The following SH3RF3 variants were observed in gnomAD, a reference collection of about 807,000 sequenced individuals.
SH3RF3 encodes the protein SH3 domain containing ring finger 3, also known as E3 ubiquitin-protein ligase SH3RF3.
In SH3RF3, 29 loss-of-function variants were observed where a neutral mutation model predicts 66.3. That is an observed-to-expected ratio of 0.44 (90% CI 0.33 to 0.60). SH3RF3 has a LOEUF of 0.60. Among genes scored for constraint, SH3RF3 ranks in the 20% least tolerant of loss-of-function variants. The pLI, the probability that SH3RF3 is intolerant of heterozygous loss-of-function variation, is 0.04. For missense variants in SH3RF3, 1,194 were observed against 1,190.9 expected, an observed-to-expected ratio of 1.00 and a Z score of -0.04; for synonymous variants, 583 against 532.0, an observed-to-expected ratio of 1.10 and a Z score of -1.32.
intron 1 of SH3RF3, among the ~76,000 whole-genome samples, chr2:109,180,245 G>A (rs1205493386): frequency 6.6e-6 from 1 of 152,084 alleles, no homozygotes; most frequent in Non-Finnish European, 1.5e-5. Flanking sequence ...CAGGGCTTCG[G>A]CCTCCTTCCT....
intron 8 of SH3RF3, among the ~76,000 whole-genome samples, chr2:109,488,129 C>T (rs953895121): frequency 6.6e-6 from 1 of 152,194 alleles, no homozygotes; most frequent in East Asian, 1.9e-4. Flanking sequence ...CGCCGGGACA[C>T]CTGGGGCAGG....
intron 1 of SH3RF3, among the ~76,000 whole-genome samples, chr2:109,165,836 G>A (rs1362268229): frequency 6.6e-6 from 1 of 152,164 alleles, no homozygotes; most frequent in African/African-American, 2.4e-5. Flanking sequence ...GTGCATCTGT[G>A]ACTCACCCTA....
intron 3 of SH3RF3, among the ~76,000 whole-genome samples, chr2:109,372,480 T>C (rs1447036988): frequency 6.6e-6 from 1 of 152,246 alleles, no homozygotes; most frequent in Non-Finnish European, 1.5e-5. Flanking sequence ...CAGTGAATGC[T>C]TACTGAGTGC....
At chr2:109,280,002 G>A (rs773571515) in intron 1 of SH3RF3, among the ~76,000 whole-genome samples, 13 of 152,174 alleles carry the variant, frequency 8.5e-5, no homozygotes, top group Non-Finnish European at 1.6e-4. Context: ...CTTAGGCTGT[G>A]CTGCCCCAGG....
chr2:109,452,790 T>C (rs1414190046), intron 8 of SH3RF3, among the ~76,000 whole-genome samples: 1 of 142,748 alleles, frequency 7.0e-6, no homozygotes, highest in African/African-American at 2.6e-5. Flanking sequence ...GGCTGGTCCC[T>C]GGGAGGCTGG....
At chr2:109,256,971 A>G (rs1389986031) in intron 1 of SH3RF3, among the ~76,000 whole-genome samples, 4 of 152,054 alleles carry the variant, frequency 2.6e-5, no homozygotes. Flanking sequence ...TGCTGGAGGG[A>G]GTTATTCCGC....
chr2:109,409,163 G>T (rs1479385693), intron 4 of SH3RF3, among the ~76,000 whole-genome samples: 1 of 152,118 alleles, frequency 6.6e-6, no homozygotes, highest in Non-Finnish European at 1.5e-5. Context: ...TAGTAATATT[G>T]TGGGAATTCC....
chr2:109,160,286 C>T (rs931413481), intron 1 of SH3RF3, among the ~76,000 whole-genome samples: 1 of 152,166 alleles, frequency 6.6e-6, no homozygotes, highest in Non-Finnish European at 1.5e-5. Flanking sequence ...GAGGTTGCTG[C>T]CCAAGACAGA....
chr2:109,319,857 G>A (rs908849115), intron 1 of SH3RF3, among the ~76,000 whole-genome samples: 3 of 152,184 alleles, frequency 2.0e-5, no homozygotes, highest in Non-Finnish European at 4.4e-5. Context: ...GCCAGTAGGA[G>A]TATCAGCCCA....
intron 1 of SH3RF3, among the ~76,000 whole-genome samples, chr2:109,273,688 T>C (rs1249808727): frequency 6.6e-5 from 10 of 152,164 alleles, no homozygotes; most frequent in Admixed American, 6.5e-4. Flanking sequence ...GGACACACGT[T>C]GTCAGGGACG....
chr2:109,188,439 CA>C (rs991931544), intron 1 of SH3RF3, among the ~76,000 whole-genome samples: 6 of 152,222 alleles, frequency 3.9e-5, no homozygotes, highest in African/African-American at 1.4e-4. Flanking sequence ...ATCCACACAA[CA>C]GGTGTGGATG....
chr2:109,482,466 C>T (rs1678859132), intron 8 of SH3RF3, among the ~76,000 whole-genome samples: 1 of 152,166 alleles, frequency 6.6e-6, no homozygotes, highest in Admixed American at 6.5e-5. Context: ...CGTGCTGTGG[C>T]TGTTTATCTT....
chr2:109,395,020 G>A (rs1013025824), intron 3 of SH3RF3, among the ~76,000 whole-genome samples: 24 of 152,240 alleles, frequency 1.6e-4, no homozygotes, highest in Middle Eastern at 3.2e-3. Flanking sequence ...GGATGGCACC[G>A]GTGCCAAATT....
At chr2:109,142,662 T>A (rs1169090743) in intron 1 of SH3RF3, among the ~76,000 whole-genome samples, 4 of 152,152 alleles carry the variant, frequency 2.6e-5, no homozygotes, top group Admixed American at 2.6e-4. Flanking sequence ...GAGCCCTCCA[T>A]CCTGGAGTCA....
chr2:109,275,846 T>G (rs1680744772), intron 1 of SH3RF3, among the ~76,000 whole-genome samples: 1 of 152,220 alleles, frequency 6.6e-6, no homozygotes, highest in African/African-American at 2.4e-5. Context: ...GATCTAGGAT[T>G]TTCCCTTCAA....
chr2:109,364,675 C>T (rs1206235326), intron 2 of SH3RF3, among the ~76,000 whole-genome samples: 1 of 152,212 alleles, frequency 6.6e-6, no homozygotes, highest in East Asian at 1.9e-4. Context: ...GCTTGTGCCC[C>T]TGGCCTGTGA....
At chr2:109,222,602 C>T (rs1211868841) in intron 1 of SH3RF3, among the ~76,000 whole-genome samples, 6 of 152,202 alleles carry the variant, frequency 3.9e-5, no homozygotes, top group Non-Finnish European at 7.3e-5. Flanking sequence ...CCACAGCACG[C>T]GTGTGCCCTG....
chr2:109,320,707 T>C (rs1351733261), intron 1 of SH3RF3, among the ~76,000 whole-genome samples: 1 of 152,224 alleles, frequency 6.6e-6, no homozygotes, highest in Admixed American at 6.5e-5. Context: ...TGTAAAGATA[T>C]CAGCCCCGCA....
chr2:109,349,085 C>T (rs942003786), intron 2 of SH3RF3, among the ~76,000 whole-genome samples: 4 of 152,074 alleles, frequency 2.6e-5, no homozygotes, highest in East Asian at 1.9e-4. Context: ...AATTCTAACT[C>T]GAATCTCTGC....
Sources: gnomAD v4.1 joint callset for allele counts (sites outside exome capture counted in the v4.1 genomes callset) on GRCh38, gnomAD v4.1.1 for gene constraint, MANE v1.5 for transcripts, NCBI Gene and HGNC (gene_info 2026-07-23, HGNC 2026-07-21) for gene names.